The following EML4 variants were observed in gnomAD, a reference collection of about 807,000 sequenced individuals.
EML4 encodes the protein echinoderm microtubule-associated protein-like 4.
EML4 carries 72 observed loss-of-function variants against 129.0 expected under a neutral mutation model. The observed-to-expected ratio is 0.56, with a 90% CI of 0.46 to 0.68. The LOEUF is 0.68. Among genes scored for constraint, EML4 ranks in the 30% least tolerant of loss-of-function variants. The pLI is 0.00. For missense variants in EML4, 1,363 were observed against 1,190.6 expected (o/e 1.14, Z -2.13); for synonymous variants, 532 against 405.0 (o/e 1.31, Z -3.77).
intron 1 of EML4, among the ~76,000 whole-genome samples, chr2:42,221,893 CA>C (rs1372121676): frequency 2.0e-5 from 3 of 151,928 alleles, no homozygotes; most frequent in Non-Finnish European, 4.4e-5. Flanking sequence ...CATGAGCCAC[CA>C]CTCCAAGCCT....
At chr2:42,180,990 A>G (rs193172474) in intron 1 of EML4, among the ~76,000 whole-genome samples, 2 of 152,288 alleles carry the variant, frequency 1.3e-5, no homozygotes, top group East Asian at 1.9e-4. Flanking sequence ...AAATTATGCA[A>G]TTTTGGGAGA....
At position 42,325,602 on chromosome 2, in the gene EML4, T is replaced by TTATATATATATATATATATATATA. The variant is rs10530482; in HGVS notation, c.2242+62_2242+85dup. 1.5e-3 allele frequency: 191 copies of TTATATATATATATATATATATATA among 129,132 alleles called. 10 individuals are homozygous for TTATATATATATATATATATATATA. Among genetic ancestry groups the TTATATATATATATATATATATATA allele is most frequent in the Admixed American group, 2.3e-3 (16 of 6,912 alleles). The allele number at this position is 129,132 out of a possible 1,614,324, so 8.0% of individuals were successfully genotyped here. Reference sequence around the variant, plus strand: ...ATATATATATATGCTATGATTATATTTATATATATATATATATATATATAT... The same window carrying TTATATATATATATATATATATATA: ...ATATATATATATGCTATGATTATATTTATATATATATATATATATATATATATATATATATATATATATATATAT... On this transcript the variant is annotated intron_variant, in intron 20 of 22. Transcript: ENST00000318522.
chr2:42,189,356 T>A lies in EML4; in HGVS notation c.25+19720T>A, dbSNP rs114581597. ...GGAGACCTGTTTCAGGCCTTTATCATGTCTCTCCTAGATTGAGTTCAAGAC... is the reference window on the plus strand; with the variant it reads ...GGAGACCTGTTTCAGGCCTTTATCAAGTCTCTCCTAGATTGAGTTCAAGAC... On this transcript the variant is annotated intron_variant, in intron 1 of 22. Coordinates refer to ENST00000318522, the MANE Select transcript of EML4 (RefSeq NM_019063.5). Among the ~76,000 whole-genome samples, 918 of 152,332 alleles carry A rather than the reference T, an allele frequency of 6.0e-3. 5 individuals are homozygous for A. Among genetic ancestry groups the A allele is most frequent in the African/African-American group, 0.021 (874 of 41,568 alleles).
intron 13 of EML4, among the ~76,000 whole-genome samples, chr2:42,297,730 C>T (rs1303812530): frequency 2.6e-5 from 4 of 152,176 alleles, no homozygotes; most frequent in Admixed American, 2.0e-4. Flanking sequence ...ATTTCTGCAC[C>T]TGTGGCAGTC....
At chr2:42,284,851 G>A (rs189288466) in intron 9 of EML4, 148 bp downstream of exon 9, 4 of 513,672 alleles carry the variant, frequency 7.8e-6, no homozygotes, top group Admixed American at 8.1e-5. Context: ...AAAAACATTA[G>A]GATATAAGAA....
At chr2:42,227,891 G>A (rs1040257936) in intron 1 of EML4, among the ~76,000 whole-genome samples, 1 of 151,920 alleles carries the variant, frequency 6.6e-6, no homozygotes, top group African/African-American at 2.4e-5. Flanking sequence ...CCGGTCAACC[G>A]CAGGCTATTA....
chr2:42,216,746 A>G (rs1572561243), intron 1 of EML4, among the ~76,000 whole-genome samples: 1 of 152,326 alleles, frequency 6.6e-6, no homozygotes, highest in Non-Finnish European at 1.5e-5. Flanking sequence ...GAATGGCTGG[A>G]CTGCTATTTT....
At chr2:42,176,908 C>T (rs1164039844) in intron 1 of EML4, among the ~76,000 whole-genome samples, 1 of 152,126 alleles carries the variant, frequency 6.6e-6, no homozygotes, top group South Asian at 2.1e-4. Context: ...ATTCTCCTGC[C>T]TCAGCCTTCC....
intron 1 of EML4, among the ~76,000 whole-genome samples, chr2:42,178,929 A>C (rs11895590): frequency 0.38 from 58,189 of 152,092 alleles, 11,814 homozygotes; most frequent in Middle Eastern, 0.55. Flanking sequence ...AGATTTGTTT[A>C]GACAGGAATC....
At chr2:42,307,642 T>G (rs1352669272) in intron 17 of EML4, among the ~76,000 whole-genome samples, 2 of 152,096 alleles carry the variant, frequency 1.3e-5, no homozygotes, top group Non-Finnish European at 2.9e-5. Flanking sequence ...GTTAAGAAAT[T>G]TTTATTTTAT....
At chr2:42,281,526 G>C (rs1239986878) in intron 7 of EML4, among the ~76,000 whole-genome samples, 1 of 152,158 alleles carries the variant, frequency 6.6e-6, no homozygotes, top group Non-Finnish European at 1.5e-5. Context: ...TGCTAGAAAA[G>C]GCACTAGACT....
chr2:42,231,593 T>TA, intron 1 of EML4, among the ~76,000 whole-genome samples: 3 of 152,370 alleles, frequency 2.0e-5, no homozygotes, highest in African/African-American at 7.2e-5. Context: ...CTGTACTTTT[T>TA]ATCCTCTTAT....
intron 18 of EML4, among the ~76,000 whole-genome samples, chr2:42,316,727 C>T (rs564539628): frequency 1.3e-5 from 2 of 152,142 alleles, no homozygotes; most frequent in Non-Finnish European, 1.5e-5. Context: ...ATAGTTGTTG[C>T]ATTAGCACAG....
At chr2:42,239,899 G>A (rs777020124) in intron 1 of EML4, among the ~76,000 whole-genome samples, 18 of 152,120 alleles carry the variant, frequency 1.2e-4, no homozygotes, top group Non-Finnish European at 2.2e-4. Context: ...GAGAATGGGG[G>A]CATCTTAGAG....
intron 19 of EML4, among the ~76,000 whole-genome samples, chr2:42,321,457 G>C (rs1385697847): frequency 6.6e-6 from 1 of 152,072 alleles, no homozygotes; most frequent in Non-Finnish European, 1.5e-5. Flanking sequence ...AGGCCATCAA[G>C]AACTCGGATC....
intron 1 of EML4, among the ~76,000 whole-genome samples, chr2:42,181,445 C>G (rs920426894): frequency 6.6e-6 from 1 of 152,084 alleles, no homozygotes; most frequent in African/African-American, 2.4e-5. Flanking sequence ...TTTACAGGCA[C>G]ACGCCACTAA....
intron 1 of EML4, among the ~76,000 whole-genome samples, chr2:42,178,708 C>G (rs934698176): frequency 2.0e-5 from 3 of 152,136 alleles, no homozygotes; most frequent in African/African-American, 4.8e-5. Flanking sequence ...ATGGAGTTGT[C>G]TGTGTCTTGA....
chr2:42,254,776 C>A (rs552606808), intron 2 of EML4, among the ~76,000 whole-genome samples: 3 of 151,942 alleles, frequency 2.0e-5, no homozygotes, highest in African/African-American at 7.3e-5. Context: ...TCAGCAGTTC[C>A]GCTCCTAGGT....
At chr2:42,232,175 T>C (rs1674388883) in intron 1 of EML4, among the ~76,000 whole-genome samples, 1 of 152,136 alleles carries the variant, frequency 6.6e-6, no homozygotes, top group South Asian at 2.1e-4. Context: ...TCCCTGAAAT[T>C]AGATTTCGAT....
Sources: allele counts gnomAD v4.1 joint callset (sites outside exome capture counted in the v4.1 genomes callset), GRCh38; gene constraint gnomAD v4.1.1; transcripts MANE v1.5; gene names NCBI Gene and HGNC (gene_info 2026-07-23, HGNC 2026-07-21).